The following EXOC4 variants were observed in gnomAD, a reference collection of about 807,000 sequenced individuals.
EXOC4 encodes exocyst complex component 4.
Under a neutral mutation model 107.2 loss-of-function variants are expected in EXOC4, and 71 were observed. The ratio of observed to expected loss-of-function variants is 0.66; its 90% CI spans 0.55 to 0.81. The LOEUF is 0.81. Ranked by LOEUF, EXOC4 falls within the 30% of genes least tolerant of loss-of-function variation. The pLI, the probability that EXOC4 is intolerant of heterozygous loss-of-function variation, is 0.00. For missense variants in EXOC4, 1,108 were observed against 1,189.6 expected, an observed-to-expected ratio of 0.93 and a Z score of 1.01; for synonymous variants, 456 against 441.2, an observed-to-expected ratio of 1.03 and a Z score of -0.42.
Position 133,923,847 on chromosome 7 carries a change from T to A in EXOC4, c.2027+6109T>A, listed in dbSNP as rs575424432. 2.0e-5 allele frequency among the ~76,000 whole-genome samples: 3 copies of A among 152,326 alleles called. No homozygotes were observed. The South Asian group carries it at 6.2e-4, about 32-fold the overall frequency. ...GATTTACCAAAGTCACAGAGATGTTTTCTTCTAAAACCTTTATTGTGCTGA... is the reference window on the plus strand; with the variant it reads ...GATTTACCAAAGTCACAGAGATGTTATCTTCTAAAACCTTTATTGTGCTGA... On this transcript the variant is annotated intron_variant, in intron 13 of 17. Coordinates refer to ENST00000253861, the MANE Select transcript of EXOC4 (RefSeq NM_021807.4).
At chr7:133,313,615 G>A (rs1046407342) in intron 4 of EXOC4, among the ~76,000 whole-genome samples, 1 of 152,204 alleles carries the variant, frequency 6.6e-6, no homozygotes, top group East Asian at 1.9e-4. Context: ...TGAAGGAACA[G>A]AAATATGTTA....
At chr7:133,500,495 G>T (rs1317752318) in intron 9 of EXOC4, among the ~76,000 whole-genome samples, 1 of 152,140 alleles carries the variant, frequency 6.6e-6, no homozygotes, top group East Asian at 1.9e-4. Flanking sequence ...TGCTGAGTAG[G>T]ACTCTGTTGT....
At chr7:133,694,231 A>G (rs964156092) in intron 10 of EXOC4, among the ~76,000 whole-genome samples, 1 of 146,662 alleles carries the variant, frequency 6.8e-6, no homozygotes, top group Middle Eastern at 3.5e-3. Flanking sequence ...GATGTACTCC[A>G]GCCTGGCAAC....
At chr7:133,576,973 A>G (rs1237451246) in intron 9 of EXOC4, 2 of 752,300 alleles carry the variant, frequency 2.7e-6, no homozygotes, top group Admixed American at 5.9e-5. Context: ...AGTGAGAAAG[A>G]TAATATGCCC....
intron 17 of EXOC4, among the ~76,000 whole-genome samples, chr7:134,039,192 C>T (rs901553336): frequency 2.0e-5 from 3 of 152,072 alleles, no homozygotes; most frequent in African/African-American, 7.2e-5. Context: ...TATATGTACT[C>T]ACGTAGGTAT....
intron 9 of EXOC4, among the ~76,000 whole-genome samples, chr7:133,591,592 G>T (rs968517500): frequency 1.3e-5 from 2 of 149,870 alleles, no homozygotes; most frequent in African/African-American, 2.5e-5. Context: ...GTGTGTGTGT[G>T]TGTATTTTCT....
intron 5 of EXOC4, among the ~76,000 whole-genome samples, chr7:133,350,537 T>C (rs1431375005): frequency 6.6e-6 from 1 of 152,126 alleles, no homozygotes; most frequent in Non-Finnish European, 1.5e-5. Flanking sequence ...TATATATTTG[T>C]CTTTGTGCCA....
rs183599605 is a variant in EXOC4 at position 134,021,064 on chromosome 7, T to A, written c.2687+13229T>A. On this transcript the variant is annotated intron_variant, in intron 17 of 17. Coordinates refer to ENST00000253861, the MANE Select transcript of EXOC4 (RefSeq NM_021807.4). ...CAGATTGGACTTGCCTAGAGTTCCA[T>A]GACATAAAGCCAGAGAGCGGTTTGA... 1.6e-4 allele frequency among the ~76,000 whole-genome samples: 24 copies of A among 152,038 alleles called. 1 individual carries two copies. The East Asian group carries it at 4.6e-3, about 29-fold the overall frequency.
Position 133,253,098 on chromosome 7 carries a change from C to T in EXOC4, c.-4C>T. 6.2e-7 allele frequency: 1 copy of T among 1,614,124 alleles called. No homozygotes were observed. The highest frequency in any genetic ancestry group is 8.5e-7 in the Non-Finnish European group (1 of 1,179,980). On this transcript the variant is annotated 5_prime_UTR_variant, in exon 1 of 18. Transcript: ENST00000253861. ...GGAGCCTAGCGGCTCTCCCCGCGTC[C>T]AAGATGGCGGCAGAAGCAGCTGGTG...
rs754744267 is a variant in EXOC4, at chr7:133,917,618, G to C, written c.1907G>C (p.Ser636Thr). ...CAGTCAGAAGAAAAACTTGTCATCA[G>C]TGCATCCTGGGCAAAAGATGATGAT... ...IVQSEEKLVI[S>T]ASWAKDDDIS... is the part of the protein sequence containing the mutation. The change falls in exon 13 of 18, where the codon AGT becomes ACT. Residue 636 changes from serine to threonine, a missense_variant. Ser to Thr is a moderately conservative substitution (Grantham distance 58). Coordinates refer to ENST00000253861, the MANE Select transcript of EXOC4 (RefSeq NM_021807.4). The C allele has an allele frequency of 6.2e-7, 1 of 1,614,064 alleles. No individual in the cohort carries two copies. Among genetic ancestry groups the C allele is most frequent in the South Asian group, 1.1e-5 (1 of 91,070 alleles).
At chr7:133,744,000 A>G (rs1795623550) in intron 10 of EXOC4, among the ~76,000 whole-genome samples, 1 of 152,120 alleles carries the variant, frequency 6.6e-6, no homozygotes, top group African/African-American at 2.4e-5. Context: ...ATGTTCATTT[A>G]CAGTCTTCAT....
At chr7:133,549,473 T>C (rs2150939937) in intron 9 of EXOC4, among the ~76,000 whole-genome samples, 1 of 152,252 alleles carries the variant, frequency 6.6e-6, no homozygotes, top group East Asian at 1.9e-4. Context: ...AAGGCACACA[T>C]GCATTGATTA....
chr7:133,649,902 A>C (rs1321297635), intron 10 of EXOC4, among the ~76,000 whole-genome samples: 1 of 152,172 alleles, frequency 6.6e-6, no homozygotes, highest in Non-Finnish European at 1.5e-5. Flanking sequence ...ATGATAAATG[A>C]CTGAATGAGA....
Position 133,356,372 on chromosome 7 carries a change from TGGATCCAGA to T in EXOC4, c.810_818del (p.Asp270_Glu272del). ...CAGGACATCAAGGAAGATTTAGAAT[TGGATCCAGA>T]GGAAAACAGCACCCTGTTTATGGGT... On this transcript the variant is annotated inframe_deletion, in exon 6 of 18. Coordinates refer to ENST00000253861, the MANE Select transcript of EXOC4 (RefSeq NM_021807.4). 1 of 1,614,086 alleles carries T rather than the reference TGGATCCAGA, an allele frequency of 6.2e-7. No homozygotes were observed. Among genetic ancestry groups the T allele is most frequent in the African/African-American group, 1.3e-5 (1 of 75,040 alleles).
chr7:133,672,848 T>C (rs1397649783), intron 10 of EXOC4, among the ~76,000 whole-genome samples: 1 of 152,206 alleles, frequency 6.6e-6, no homozygotes, highest in East Asian at 1.9e-4. Flanking sequence ...TGAAACCCAG[T>C]CTTATCCCAG....
chr7:133,377,394 C>T (rs977204071), intron 7 of EXOC4, among the ~76,000 whole-genome samples: 2 of 151,966 alleles, frequency 1.3e-5, no homozygotes, highest in Middle Eastern at 3.4e-3. Context: ...AAAAATTCAC[C>T]AGATGGATTT....
chr7:133,627,616 G>A (rs1802487175), intron 9 of EXOC4, among the ~76,000 whole-genome samples: 1 of 152,112 alleles, frequency 6.6e-6, no homozygotes, highest in Admixed American at 6.5e-5. Flanking sequence ...TGTTAAAGAA[G>A]TTATATTTAT....
intron 10 of EXOC4, among the ~76,000 whole-genome samples, chr7:133,808,600 C>T (rs546541700): frequency 1.1e-4 from 17 of 152,096 alleles, no homozygotes; most frequent in Non-Finnish European, 1.8e-4. Context: ...TTGCTGGGGG[C>T]GCCTTCTTTC....
intron 10 of EXOC4, among the ~76,000 whole-genome samples, chr7:133,806,167 A>C (rs1797072370): frequency 6.6e-6 from 1 of 152,234 alleles, no homozygotes; most frequent in Non-Finnish European, 1.5e-5. Flanking sequence ...CAAGTAGATA[A>C]ATGTATGAAC....
Sources: allele counts gnomAD v4.1 joint callset (sites outside exome capture counted in the v4.1 genomes callset), GRCh38; gene constraint gnomAD v4.1.1; transcripts MANE v1.5; gene names NCBI Gene and HGNC (gene_info 2026-07-23, HGNC 2026-07-21).